AGPS: variants seen among roughly 807,000 people sequenced by gnomAD.
The protein encoded by AGPS is alkyldihydroxyacetonephosphate synthase, peroxisomal.
In AGPS, 26 loss-of-function variants were observed where a neutral mutation model predicts 90.7. The observed-to-expected ratio is 0.29, with a 90% CI of 0.21 to 0.40. The LOEUF (loss-of-function observed/expected upper bound fraction) is 0.40, where lower values mean the gene tolerates loss of function less well. Ranked by LOEUF, AGPS falls within the 10% of genes least tolerant of loss-of-function variation. AGPS has a pLI of 1.00. For missense variants in AGPS, 540 were observed against 816.1 expected, an observed-to-expected ratio of 0.66 and a Z score of 4.12; for synonymous variants, 294 against 285.3, an observed-to-expected ratio of 1.03 and a Z score of -0.31.
chr2:177,487,070 G>A (rs976868430), intron 11 of AGPS, among the ~76,000 whole-genome samples: 4 of 151,926 alleles, frequency 2.6e-5, no homozygotes, highest in Admixed American at 6.5e-5. Context: ...TAGATATAAC[G>A]TGTTATTATT....
At chr2:177,416,281 TATA>T (rs1292242339) in intron 1 of AGPS, among the ~76,000 whole-genome samples, 1 of 152,160 alleles carries the variant, frequency 6.6e-6, no homozygotes, top group Non-Finnish European at 1.5e-5. Flanking sequence ...CTAAAGATTG[TATA>T]ATAACAGCCC....
At chr2:177,393,542 T>C (rs1685085512) in intron 1 of AGPS, 1 of 985,204 alleles carries the variant, frequency 1.0e-6, no homozygotes, top group Non-Finnish European at 1.2e-6. Flanking sequence ...GTGGGGTAAG[T>C]TCCACTTGCT....
Position 177,392,842 on chromosome 2 carries a change from G to A in AGPS, c.53G>A (p.Ser18Asn), listed in dbSNP as rs1361225479. The change falls in exon 1 of 20, where the codon AGC becomes AAC. Residue 18 changes from serine (S) to asparagine (N), a missense_variant. Ser to Asn is a conservative substitution (Grantham distance 46, BLOSUM62 1). Around this residue, in one of 2 missense-constraint regions of AGPS, gnomAD observed 135 missense variants for 124.0 expected, o/e 1.09. Transcript: ENST00000264167. The stretch of plus-strand genomic sequence containing the variant: ...GGGACTGGCTTGGGCGCGGGCGCGA[G>A]CTACGGGTCTGCAGCGGACCGGGAC... ...AGGTGLGAGA[S>N]YGSAADRDRD... 1.9e-6 allele frequency: 3 copies of A among 1,551,580 alleles called. No homozygotes were observed. The highest frequency in any genetic ancestry group is 1.9e-5 in the Admixed American group (1 of 51,978).
chr2:177,455,924 G>A (rs1687097725), intron 8 of AGPS, among the ~76,000 whole-genome samples: 1 of 152,168 alleles, frequency 6.6e-6, no homozygotes, highest in South Asian at 2.1e-4. Context: ...TGGAACACAA[G>A]TGAGATAAAG....
chr2:177,408,592 CCT>C (rs1212843309), intron 1 of AGPS, among the ~76,000 whole-genome samples: 2 of 152,096 alleles, frequency 1.3e-5, no homozygotes, highest in Non-Finnish European at 2.9e-5. Flanking sequence ...ATCTCTTTCC[CCT>C]GTCTCCCACA....
intron 16 of AGPS, 65 bp from the exon 17 acceptor site, chr2:177,513,754 G>T: frequency 3.3e-6 from 4 of 1,213,218 alleles, no homozygotes; most frequent in Non-Finnish European, 4.9e-6. Context: ...ATTAACCAAC[G>T]TTTATTAGCA....
intron 8 of AGPS, among the ~76,000 whole-genome samples, chr2:177,452,693 T>C (rs1686986857): frequency 6.6e-6 from 1 of 152,162 alleles, no homozygotes; most frequent in Non-Finnish European, 1.5e-5. Context: ...GTGGTTTAGT[T>C]TAAATCTGTC....
chr2:177,538,210 T>C lies in AGPS; in HGVS notation c.*15T>C, dbSNP rs572709727. ...ACCTTTTATAAATCCATTAGTACCA[T>C]TACAAAAAAATGTCAATTTTTTTTT... On this transcript the variant is annotated 3_prime_UTR_variant, in exon 20 of 20. Transcript: ENST00000264167. The C allele has an allele frequency of 5.0e-6, 8 of 1,611,422 alleles. No homozygotes were observed. In the South Asian group the frequency reaches 8.8e-5, roughly 18 times the overall value.
chr2:177,521,440 G>A, intron 18 of AGPS, 72 bp downstream of exon 18: 1 of 1,264,038 alleles, frequency 7.9e-7, no homozygotes, highest in Non-Finnish European at 1.2e-6. Context: ...GTCAATTTAT[G>A]AATTTTAAGT....
In AGPS at chr2:177,442,686, A is replaced by G. The variant is rs1363347643; in HGVS notation, c.789+200A>G. Among the ~76,000 whole-genome samples the G allele has an allele frequency of 4.6e-5, 7 of 151,984 alleles. No homozygotes were observed. The East Asian group carries it at 9.6e-4, about 21-fold the overall frequency. On this transcript the variant is annotated intron_variant, in intron 7 of 19. Coordinates refer to ENST00000264167, the MANE Select transcript of AGPS (RefSeq NM_003659.4). ...ACATAGCAAAACCTCATCTCTACTA[A>G]AAATACAAAAATTAACCGAGTGTGG...
At chr2:177,483,400 C>T (rs1688003981) in intron 11 of AGPS, among the ~76,000 whole-genome samples, 1 of 152,154 alleles carries the variant, frequency 6.6e-6, no homozygotes, top group African/African-American at 2.4e-5. Flanking sequence ...GCTATATGAC[C>T]ACCTAATTCA....
intron 1 of AGPS, among the ~76,000 whole-genome samples, chr2:177,414,871 C>G (rs1685738465): frequency 6.8e-6 from 1 of 146,328 alleles, no homozygotes. Context: ...TTTCATCTGC[C>G]TATCCCATGG....
At chr2:177,533,885 C>A (rs559012330) in intron 19 of AGPS, among the ~76,000 whole-genome samples, 1 of 152,148 alleles carries the variant, frequency 6.6e-6, no homozygotes, top group African/African-American at 2.4e-5. Flanking sequence ...AAAGAGATAT[C>A]CAGGATACTC....
In AGPS at chr2:177,540,771, T is replaced by A. The variant is rs1472321329; in HGVS notation, c.*2576T>A. ...GTTGCAATAATTTACTTAAATTTGG[T>A]AATGTCACATTTGGGTTGGGGTTTC... On this transcript the variant is annotated 3_prime_UTR_variant, in exon 20 of 20. Transcript: ENST00000264167. The A allele has an allele frequency of 6.6e-6, 1 of 152,150 alleles. No homozygotes were observed. Among genetic ancestry groups the A allele is most frequent in the Non-Finnish European group, 1.5e-5 (1 of 67,986 alleles). The allele number at this position is 152,150 out of a possible 1,614,324, so 9.4% of individuals were successfully genotyped here.
intron 19 of AGPS, among the ~76,000 whole-genome samples, chr2:177,528,358 T>C (rs1164175536): frequency 6.6e-6 from 1 of 152,226 alleles, no homozygotes; most frequent in African/African-American, 2.4e-5. Flanking sequence ...CTCCTTATCA[T>C]GACCTTCAAG....
chr2:177,520,695 A>G (rs1404501165), intron 17 of AGPS, among the ~76,000 whole-genome samples: 1 of 152,248 alleles, frequency 6.6e-6, no homozygotes, highest in Non-Finnish European at 1.5e-5. Flanking sequence ...TTAATTGTGC[A>G]TAAAATTTGT....
In AGPS at chr2:177,539,778, T is replaced by C. The variant is rs948906165; in HGVS notation, c.*1583T>C. ...TCTGTAATTAAATTAGAATTAAATATCAGTTTAACAACAAAATGAAATATT... is the reference window on the plus strand; with the variant it reads ...TCTGTAATTAAATTAGAATTAAATACCAGTTTAACAACAAAATGAAATATT... On this transcript the variant is annotated 3_prime_UTR_variant, in exon 20 of 20. Transcript: ENST00000264167. The C allele has an allele frequency of 6.0e-4, 91 of 152,034 alleles. No individual in the cohort carries two copies. In the Middle Eastern group the frequency reaches 0.01, roughly 17 times the overall value. 9.4% of individuals were successfully genotyped at this position (152,034 alleles called of 1,614,324 possible). A position where few individuals can be genotyped will look rare whatever the true frequency, so the allele number is the denominator to read the frequency against.
intron 9 of AGPS, among the ~76,000 whole-genome samples, chr2:177,466,805 G>A (rs760339795): frequency 6.6e-6 from 1 of 152,154 alleles, no homozygotes; most frequent in Non-Finnish European, 1.5e-5. Context: ...GAGCCTGCAG[G>A]GGCTGGGGGC....
At chr2:177,411,898 G>A (rs773641569) in intron 1 of AGPS, among the ~76,000 whole-genome samples, 2 of 152,132 alleles carry the variant, frequency 1.3e-5, no homozygotes, top group East Asian at 3.9e-4. Context: ...GGATAAGCTG[G>A]GTAGAAATCG....
Sources: allele counts gnomAD v4.1 joint callset (sites outside exome capture counted in the v4.1 genomes callset), GRCh38; gene constraint gnomAD v4.1.1; regional missense constraint gnomAD v4.1.1; transcripts MANE v1.5; gene names NCBI Gene and HGNC (gene_info 2026-07-23, HGNC 2026-07-21).